PRDM2: variants seen among roughly 807,000 people sequenced by gnomAD.
PRDM2 encodes the protein PR/SET domain 2.
In PRDM2, 30 loss-of-function variants were observed where a neutral mutation model predicts 130.0. The ratio of observed to expected loss-of-function variants is 0.23; its 90% confidence interval spans 0.17 to 0.31. PRDM2 has a LOEUF of 0.31. Among genes scored for constraint, PRDM2 ranks in the 10% least tolerant of loss-of-function variants. The pLI is 1.00. For missense variants in PRDM2, 2,011 were observed against 2,108.4 expected (o/e 0.95, Z 0.90); for synonymous variants, 871 against 782.4 (o/e 1.11, Z -1.89).
At chr1:13,700,618 C>T (rs1356238898) in intron 1 of PRDM2, among the ~76,000 whole-genome samples, 3 of 151,584 alleles carry the variant, frequency 2.0e-5, no homozygotes, top group Admixed American at 6.6e-5. Flanking sequence ...GGGACGCGTG[C>T]GGGCTGCAGA....
intron 8 of PRDM2, among the ~76,000 whole-genome samples, chr1:13,797,876 A>G (rs534409757): frequency 1.3e-5 from 2 of 152,176 alleles, no homozygotes; most frequent in Non-Finnish European, 2.9e-5. Flanking sequence ...TTTTAATGAC[A>G]TGGTATCACT....
chr1:13,787,505 A>G (rs1477684891), intron 8 of PRDM2: 2 of 984,496 alleles, frequency 2.0e-6, no homozygotes, highest in Non-Finnish European at 2.4e-6. Context: ...CTACCTCTGA[A>G]AAATTTGTAG....
chr1:13,770,804 G>A (rs1644343125), intron 6 of PRDM2, among the ~76,000 whole-genome samples: 1 of 152,112 alleles, frequency 6.6e-6, no homozygotes, highest in Non-Finnish European at 1.5e-5. Flanking sequence ...TTCTGAATAT[G>A]ATTTTTGAAT....
chr1:13,755,325 CAT>C (rs1643921610), intron 6 of PRDM2, among the ~76,000 whole-genome samples: 1 of 152,158 alleles, frequency 6.6e-6, no homozygotes, highest in African/African-American at 2.4e-5. Context: ...AAAATCCTAA[CAT>C]ATGCCATGAT....
chr1:13,787,666 G>T (rs1424853283), intron 8 of PRDM2: 1 of 978,302 alleles, frequency 1.0e-6, no homozygotes, highest in African/African-American at 1.8e-5. Context: ...TATTTAAATT[G>T]TTTTGGACGC....
At position 13,782,349 on chromosome 1, in the gene PRDM2, G is replaced by A. The variant is rs200943058; in HGVS notation, c.4554G>A (p.Ala1518=). 1.2e-4 allele frequency: 189 copies of A among 1,613,872 alleles called. No individual in the cohort carries two copies. The highest frequency in any genetic ancestry group is 1.5e-4 in the Non-Finnish European group (175 of 1,180,016). The part of the protein sequence containing the change: ...NSNSNHRRRT[A]DAEIKMQSMQ... ...ACAGCAACCACCGCAGACGGACAGCGGATGCGGAGATTAAAATGCAAAGCA... is the reference window on the plus strand; with the variant it reads ...ACAGCAACCACCGCAGACGGACAGCAGATGCGGAGATTAAAATGCAAAGCA... Residue 1518 remains alanine (A), a synonymous_variant, in exon 8 of 10, where the codon GCG becomes GCA. Coordinates refer to ENST00000311066, the MANE Select transcript of PRDM2 (RefSeq NM_001393986.1).
Position 13,823,262 on chromosome 1 carries a change from T to G in PRDM2, c.*127T>G. The G allele has an allele frequency of 6.6e-7, 1 of 1,510,414 alleles. No homozygotes were observed. The highest frequency in any genetic ancestry group is 2.3e-5 in the East Asian group (1 of 43,830). 93.6% of individuals were successfully genotyped at this position (1,510,414 alleles called of 1,614,324 possible). A position where few individuals can be genotyped will look rare whatever the true frequency, so the allele number is the denominator to read the frequency against. On this transcript the variant is annotated 3_prime_UTR_variant, in exon 10 of 10. Coordinates refer to ENST00000311066, the MANE Select transcript of PRDM2 (RefSeq NM_001393986.1). ...GTGTGAGGCTGCGAGAGAAAGGGAGTGCATGTGCGCGCGTGCATGTGTGCG... is the reference window on the plus strand; with the variant it reads ...GTGTGAGGCTGCGAGAGAAAGGGAGGGCATGTGCGCGCGTGCATGTGTGCG...
At chr1:13,761,129 T>G (rs1427064015) in intron 6 of PRDM2, among the ~76,000 whole-genome samples, 2 of 152,262 alleles carry the variant, frequency 1.3e-5, no homozygotes, top group East Asian at 3.8e-4. Context: ...AGGTAACTCT[T>G]GGAATTTGAT....
rs1643464815 is a variant in PRDM2 at position 13,742,162 on chromosome 1, C to T, written c.384+5C>T. Reference sequence around the variant, plus strand: ...ATTTACTATAAAACTTTAAAGGTAACAGCATTAGAATTAATTTACTGTTAG... The same window carrying T: ...ATTTACTATAAAACTTTAAAGGTAATAGCATTAGAATTAATTTACTGTTAG... On this transcript the variant is annotated splice_donor_5th_base_variant and intron_variant, in intron 5 of 9. Coordinates refer to ENST00000311066, the MANE Select transcript of PRDM2 (RefSeq NM_001393986.1). 2.5e-6 allele frequency: 4 copies of T among 1,611,042 alleles called. No homozygotes were observed. The Admixed American group carries it at 5.0e-5, about 20-fold the overall frequency.
chr1:13,766,857 T>A (rs889619375), intron 6 of PRDM2, among the ~76,000 whole-genome samples: 2 of 152,250 alleles, frequency 1.3e-5, no homozygotes, highest in Non-Finnish European at 2.9e-5. Flanking sequence ...TTGTGATGAA[T>A]TTTTAATGTA....
rs1173579402 is a variant in PRDM2 at position 13,771,477 on chromosome 1, ATCCCAGCAC to A, written c.512-1598_512-1590del. ...CCGGGCACGGTGGCTCATGCCTGTA[ATCCCAGCAC>A]TCTGGGAGGCCGAGGCAGGCGGATC... On this transcript the variant is annotated intron_variant, in intron 6 of 9. Coordinates refer to ENST00000311066, the MANE Select transcript of PRDM2 (RefSeq NM_001393986.1). This position sits in a 1 kb window ranked among gnomAD's most constrained non-coding sequence, Gnocchi z 4.1. Among the ~76,000 whole-genome samples, 31 of 152,360 alleles carry A rather than the reference ATCCCAGCAC, an allele frequency of 2.0e-4. No homozygotes were observed. Among genetic ancestry groups the A allele is most frequent in the African/African-American group, 7.0e-4 (29 of 41,588 alleles).
Position 13,824,043 on chromosome 1 carries a change from G to A in PRDM2, c.*908G>A, listed in dbSNP as rs941171002. The A allele has an allele frequency of 3.9e-5, 6 of 152,532 alleles. No individual in the cohort carries two copies. Among genetic ancestry groups the A allele is most frequent in the Admixed American group, 6.6e-5 (1 of 15,264 alleles). The allele number at this position is 152,532 out of a possible 1,614,324, so 9.4% of individuals were successfully genotyped here. A position where few individuals can be genotyped will look rare whatever the true frequency, so the allele number is the denominator to read the frequency against. ...GAAAAAAAAATGGGAAGATTAAAAA[G>A]CACAGGGGGAAGAAGAAGAGATTTC... On this transcript the variant is annotated 3_prime_UTR_variant, in exon 10 of 10. Transcript: ENST00000311066.
At chr1:13,758,401 C>T (rs959868836) in intron 6 of PRDM2, among the ~76,000 whole-genome samples, 3 of 149,220 alleles carry the variant, frequency 2.0e-5, no homozygotes, top group Admixed American at 1.3e-4. Flanking sequence ...GAGCCGAGAT[C>T]GCACCACTGC....
chr1:13,715,537 T>A lies in PRDM2; in HGVS notation c.-65-4T>A. 1.4e-6 allele frequency: 2 copies of A among 1,395,048 alleles called. No individual in the cohort carries two copies. The highest frequency in any genetic ancestry group is 1.9e-6 in the Non-Finnish European group (2 of 1,030,378). The allele number at this position is 1,395,048 out of a possible 1,614,324, so 86.4% of individuals were successfully genotyped here. A position where few individuals can be genotyped will look rare whatever the true frequency, so the allele number is the denominator to read the frequency against. ...ATATTACAATTGTCTGTTTTTCTTTTTAGGGTTCATGTAATCAAAGAAGTT... is the reference window on the plus strand; with the variant it reads ...ATATTACAATTGTCTGTTTTTCTTTATAGGGTTCATGTAATCAAAGAAGTT... On this transcript the variant is annotated splice_region_variant and splice_polypyrimidine_tract_variant and intron_variant, in intron 1 of 9. Transcript: ENST00000311066.
At chr1:13,728,094 ACTTC>A (rs1460387864) in intron 2 of PRDM2, among the ~76,000 whole-genome samples, 1 of 152,220 alleles carries the variant, frequency 6.6e-6, no homozygotes, top group Non-Finnish European at 1.5e-5. Context: ...TGGAGGAGAT[ACTTC>A]CTGATAGATG....
intron 2 of PRDM2, among the ~76,000 whole-genome samples, chr1:13,725,117 G>T (rs1247109308): frequency 6.6e-6 from 1 of 152,124 alleles, no homozygotes; most frequent in African/African-American, 2.4e-5. Context: ...TGTATCTATG[G>T]ATGTTTACCA....
At chr1:13,817,484 G>A (rs561017411) in intron 9 of PRDM2, among the ~76,000 whole-genome samples, 3 of 151,972 alleles carry the variant, frequency 2.0e-5, no homozygotes, top group East Asian at 3.9e-4. Flanking sequence ...GGTGACCCAC[G>A]AGCAGGCTTG....
intron 8 of PRDM2, among the ~76,000 whole-genome samples, chr1:13,797,153 C>T (rs1644935399): frequency 6.6e-6 from 1 of 152,192 alleles, no homozygotes; most frequent in Non-Finnish European, 1.5e-5. Context: ...TGGTAGTTCA[C>T]TACCTTTAGC....
In PRDM2 at chr1:13,742,029, A is replaced by G; in HGVS notation, c.256A>G (p.Met86Val). Residue 86 changes from methionine to valine, a missense_variant, in exon 5 of 10, where the codon ATG becomes GTG. By Grantham distance (21) the Met-to-Val change is conservative. Coordinates refer to ENST00000311066, the MANE Select transcript of PRDM2 (RefSeq NM_001393986.1). ...WEVYYPNLGW[M>V]CIDATDPEKG... ...GGTGTATTACCCAAATTTGGGATGGATGTGCATTGATGCCACTGATCCAGA... is the reference window on the plus strand; with the variant it reads ...GGTGTATTACCCAAATTTGGGATGGGTGTGCATTGATGCCACTGATCCAGA... 1 of 1,583,480 alleles carries G rather than the reference A, an allele frequency of 6.3e-7. No individual in the cohort carries two copies.
Sources: gnomAD v4.1 joint callset for allele counts (sites outside exome capture counted in the v4.1 genomes callset) on GRCh38, gnomAD v4.1.1 for gene constraint, Gnocchi (gnomAD v3.1) non-coding constraint, MANE v1.5 for transcripts, NCBI Gene and HGNC (gene_info 2026-07-23, HGNC 2026-07-21) for gene names.